The following KIF16B variants were observed in gnomAD, a reference collection of about 807,000 sequenced individuals.
KIF16B encodes the protein kinesin-like protein KIF16B.
KIF16B carries 98 observed loss-of-function variants against 156.3 expected under a neutral mutation model. The ratio of observed to expected loss-of-function variants is 0.63; its 90% confidence interval spans 0.53 to 0.74. The LOEUF is 0.74. KIF16B is among the 30% of genes least tolerant of loss of function. The probability of loss-of-function intolerance (pLI) is 0.00; values close to 1 mark genes in which losing one functional copy is unlikely to be tolerated. For synonymous variants in KIF16B, 564 were observed against 583.7 expected (o/e 0.97, Z 0.49); for missense variants, 1,421 against 1,606.5 (o/e 0.88, Z 1.97).
At chr20:16,547,245 C>G (rs1055059557) in intron 1 of KIF16B, among the ~76,000 whole-genome samples, 4 of 152,162 alleles carry the variant, frequency 2.6e-5, no homozygotes, top group African/African-American at 9.7e-5. Flanking sequence ...CGATAAATGA[C>G]AGAGCCACCA....
At chr20:16,397,263 T>G (rs1313100257) in intron 17 of KIF16B, among the ~76,000 whole-genome samples, 1 of 152,234 alleles carries the variant, frequency 6.6e-6, no homozygotes, top group African/African-American at 2.4e-5. Flanking sequence ...CTCTCCAATG[T>G]GGAACTAACT....
chr20:16,316,514 T>A (rs2063699533), intron 24 of KIF16B, among the ~76,000 whole-genome samples: 1 of 152,174 alleles, frequency 6.6e-6, no homozygotes, highest in African/African-American at 2.4e-5. Context: ...AGCATCATCT[T>A]TACTTGGATG....
chr20:16,467,378 C>T (rs1038357789), intron 12 of KIF16B, among the ~76,000 whole-genome samples: 2 of 152,128 alleles, frequency 1.3e-5, no homozygotes, highest in East Asian at 3.9e-4. Flanking sequence ...CCACCTTTGC[C>T]CAAACACTTA....
At chr20:16,543,287 G>T (rs1203896285) in intron 1 of KIF16B, among the ~76,000 whole-genome samples, 1 of 152,132 alleles carries the variant, frequency 6.6e-6, no homozygotes, top group African/African-American at 2.4e-5. Flanking sequence ...CCCTTCTTCT[G>T]AATGGAGCCC....
chr20:16,382,683 C>G (rs1252305062), intron 17 of KIF16B, among the ~76,000 whole-genome samples: 1 of 152,118 alleles, frequency 6.6e-6, no homozygotes, highest in South Asian at 2.1e-4. Context: ...GCAGCAGAAA[C>G]TGTATTTCTT....
chr20:16,566,144 T>C (rs2071245691), intron 1 of KIF16B, among the ~76,000 whole-genome samples: 1 of 152,254 alleles, frequency 6.6e-6, no homozygotes, highest in African/African-American at 2.4e-5. Context: ...ATACAGTGAT[T>C]GCTTCTTCAG....
intron 21 of KIF16B, 59 bp downstream of exon 21, chr20:16,371,606 A>AAAT: frequency 2.8e-6 from 3 of 1,052,978 alleles, no homozygotes; most frequent in South Asian, 1.4e-5. Context: ...AAAAAAAAAA[A>AAAT]GGAAAAAAGA....
At chr20:16,489,762 A>C in intron 12 of KIF16B, among the ~76,000 whole-genome samples, 1 of 151,746 alleles carries the variant, frequency 6.6e-6, no homozygotes, top group East Asian at 1.9e-4. Flanking sequence ...GGATCTTATA[A>C]AATACGGATT....
At chr20:16,297,994 A>T (rs140205032) in intron 25 of KIF16B, among the ~76,000 whole-genome samples, 1 of 152,272 alleles carries the variant, frequency 6.6e-6, no homozygotes, top group Non-Finnish European at 1.5e-5. Flanking sequence ...TTCACTGCTG[A>T]CAACATTCCA....
At chr20:16,507,230 T>G (rs1370957215) in intron 7 of KIF16B, among the ~76,000 whole-genome samples, 1 of 152,192 alleles carries the variant, frequency 6.6e-6, no homozygotes, top group Non-Finnish European at 1.5e-5. Context: ...GAGAATTTAA[T>G]GCAAGTTGTT....
chr20:16,561,338 A>G (rs1294536521), intron 1 of KIF16B, among the ~76,000 whole-genome samples: 1 of 152,222 alleles, frequency 6.6e-6, no homozygotes, highest in East Asian at 1.9e-4. Flanking sequence ...TGCATTGAGC[A>G]GATGAATGTC....
chr20:16,544,508 G>A (rs1318977461), intron 1 of KIF16B, among the ~76,000 whole-genome samples: 1 of 147,696 alleles, frequency 6.8e-6, no homozygotes, highest in Non-Finnish European at 1.5e-5. Context: ...TTGGGAGGCT[G>A]AGACAGGAGA....
At chr20:16,274,508 G>A (rs1009255802) in intron 25 of KIF16B, among the ~76,000 whole-genome samples, 1 of 152,332 alleles carries the variant, frequency 6.6e-6, no homozygotes, top group Admixed American at 6.5e-5. Context: ...AAAATGGGCT[G>A]GAGGGAAGGG....
At chr20:16,279,302 G>A (rs1046408361) in intron 25 of KIF16B, among the ~76,000 whole-genome samples, 1 of 152,154 alleles carries the variant, frequency 6.6e-6, no homozygotes, top group Non-Finnish European at 1.5e-5. Context: ...CTGGAACCAA[G>A]GGTCCTTTGG....
At chr20:16,351,754 G>A (rs2064343409) in intron 23 of KIF16B, among the ~76,000 whole-genome samples, 1 of 152,200 alleles carries the variant, frequency 6.6e-6, no homozygotes. Context: ...AGCTTCAAGG[G>A]TAACAGGAAT....
chr20:16,515,801 A>T, intron 3 of KIF16B, 137 bp from the exon 4 acceptor site: 1 of 554,528 alleles, frequency 1.8e-6, no homozygotes, highest in South Asian at 2.6e-5. Context: ...CTGCAGAACC[A>T]TTCACAACAA....
At chr20:16,288,943 G>GT (rs1272687707) in intron 25 of KIF16B, among the ~76,000 whole-genome samples, 1 of 104,322 alleles carries the variant, frequency 9.6e-6, no homozygotes, top group Non-Finnish European at 1.9e-5. Flanking sequence ...TCTGTTCTTA[G>GT]TAAGTACATA....
At chr20:16,526,400 T>C (rs983986744) in intron 2 of KIF16B, among the ~76,000 whole-genome samples, 195 bp from the exon 3 acceptor site, 1 of 152,216 alleles carries the variant, frequency 6.6e-6, no homozygotes, top group Non-Finnish European at 1.5e-5. Flanking sequence ...CCAAGAATAC[T>C]ATTCTGACCT....
intron 23 of KIF16B, among the ~76,000 whole-genome samples, chr20:16,337,157 G>A (rs1043413915): frequency 2.6e-5 from 4 of 152,158 alleles, no homozygotes; most frequent in African/African-American, 4.8e-5. Context: ...CCCTGAATGC[G>A]CATATTCTCT....
Sources: gnomAD v4.1 joint callset for allele counts (sites outside exome capture counted in the v4.1 genomes callset) on GRCh38, gnomAD v4.1.1 for gene constraint, MANE v1.5 for transcripts, NCBI Gene and HGNC (gene_info 2026-07-23, HGNC 2026-07-21) for gene names.